KIAA0825: variants seen among roughly 807,000 people sequenced by gnomAD.
KIAA0825 encodes the protein uncharacterized protein KIAA0825.
Under a neutral mutation model 147.6 loss-of-function variants are expected in KIAA0825, and 119 were observed. That is an observed-to-expected ratio of 0.81 (90% CI 0.69 to 0.94). The LOEUF (loss-of-function observed/expected upper bound fraction) is 0.94. Among genes scored for constraint, KIAA0825 ranks in the 40% least tolerant of loss-of-function variants. The probability of loss-of-function intolerance (pLI) is 0.00; values close to 1 mark genes in which losing one functional copy is unlikely to be tolerated. For synonymous variants in KIAA0825, 470 were observed against 518.1 expected (o/e 0.91, Z 1.26); for missense variants, 1,381 against 1,472.7 (o/e 0.94, Z 1.02).
At chr5:94,389,870 C>G (rs1235672067) in intron 18 of KIAA0825, among the ~76,000 whole-genome samples, 1 of 152,176 alleles carries the variant, frequency 6.6e-6, no homozygotes, top group African/African-American at 2.4e-5. Flanking sequence ...TAACATTATG[C>G]CTCTTACCTT....
chr5:94,197,693 G>T (rs1771263519), intron 20 of KIAA0825, among the ~76,000 whole-genome samples: 2 of 152,146 alleles, frequency 1.3e-5, no homozygotes, highest in Non-Finnish European at 2.9e-5. Flanking sequence ...TCTGCATATG[G>T]CTAGCCGGTT....
rs917889689 is a variant in KIAA0825 at position 94,612,325 on chromosome 5, T to C, written c.-153+6175A>G. Among the ~76,000 whole-genome samples the C allele has an allele frequency of 1.2e-4, 18 of 152,316 alleles. 1 individual carries two copies. Among genetic ancestry groups the C allele is most frequent in the African/African-American group, 3.8e-4 (16 of 41,580 alleles). The stretch of plus-strand genomic sequence containing the variant: ...TGATCATTTTTACTAATACCTAACA[T>C]TGAATACCGTGGCAACATGGGATTC... On this transcript the variant is annotated intron_variant, in intron 1 of 20. Coordinates refer to ENST00000682413, the MANE Select transcript of KIAA0825 (RefSeq NM_001145678.3).
intron 4 of KIAA0825, 33 bp downstream of exon 4, chr5:94,523,897 C>T (rs1768741460): frequency 3.5e-6 from 5 of 1,411,512 alleles, no homozygotes; most frequent in Non-Finnish European, 4.9e-6. Flanking sequence ...GTTTACTCAT[C>T]CCACTCCATG....
intron 11 of KIAA0825, among the ~76,000 whole-genome samples, chr5:94,463,975 A>G (rs982479516): frequency 4.6e-5 from 7 of 151,168 alleles, no homozygotes; most frequent in African/African-American, 1.5e-4. Context: ...GCAAAATACC[A>G]TATTTATGAA....
At chr5:94,435,712 T>C (rs1038804503) in intron 14 of KIAA0825, among the ~76,000 whole-genome samples, 6 of 152,196 alleles carry the variant, frequency 3.9e-5, no homozygotes, top group Non-Finnish European at 8.8e-5. Context: ...TCTTCCACAA[T>C]GGTTGAACTA....
At chr5:94,457,551 A>G (rs1759267691) in intron 12 of KIAA0825, among the ~76,000 whole-genome samples, 1 of 152,162 alleles carries the variant, frequency 6.6e-6, no homozygotes, top group Non-Finnish European at 1.5e-5. Flanking sequence ...TTGCGTTAGC[A>G]TCGTAGGGCC....
intron 9 of KIAA0825, among the ~76,000 whole-genome samples, 188 bp from the exon 10 acceptor site, chr5:94,470,299 T>G (rs1761055837): frequency 6.6e-6 from 1 of 152,258 alleles, no homozygotes. Context: ...GTCTTTGTTT[T>G]GCAAGCCCTT....
intron 20 of KIAA0825, among the ~76,000 whole-genome samples, chr5:94,187,373 G>C (rs1027703053): frequency 4.4e-5 from 6 of 136,516 alleles, no homozygotes; most frequent in African/African-American, 1.6e-4. Flanking sequence ...AAAAAAAAAA[G>C]ATGAAAAACA....
chr5:94,214,816 T>A (rs988521797), intron 20 of KIAA0825, among the ~76,000 whole-genome samples: 1 of 152,188 alleles, frequency 6.6e-6, no homozygotes, highest in African/African-American at 2.4e-5. Context: ...AGGCAAACTC[T>A]TTTCTCTACG....
intron 12 of KIAA0825, among the ~76,000 whole-genome samples, chr5:94,458,207 A>G (rs192824221): frequency 2.6e-4 from 40 of 152,324 alleles, no homozygotes; most frequent in Non-Finnish European, 5.0e-4. Context: ...CCTAAATGTC[A>G]TTAAGTAACT....
chr5:94,466,690 T>G (rs1257494077), intron 10 of KIAA0825, among the ~76,000 whole-genome samples: 1 of 135,946 alleles, frequency 7.4e-6, no homozygotes, highest in Admixed American at 8.4e-5. Flanking sequence ...TGAGCCGAGA[T>G]CGTGCCACTG....
intron 5 of KIAA0825, among the ~76,000 whole-genome samples, chr5:94,499,589 G>T (rs1056994097): frequency 4.7e-4 from 69 of 145,842 alleles, no homozygotes; most frequent in African/African-American, 1.6e-3. Context: ...CCAATCTGGG[G>T]GGGGGGGGGG....
intron 14 of KIAA0825, among the ~76,000 whole-genome samples, chr5:94,423,819 C>T (rs1433897162): frequency 6.6e-6 from 1 of 151,934 alleles, no homozygotes; most frequent in African/African-American, 2.4e-5. Context: ...AACACCAGGC[C>T]AATAAATTAA....
At chr5:94,601,884 T>C (rs1786519504) in intron 1 of KIAA0825, among the ~76,000 whole-genome samples, 1 of 152,016 alleles carries the variant, frequency 6.6e-6, no homozygotes, top group Admixed American at 6.6e-5. Context: ...CCGAGAAATA[T>C]GGGGTTACGT....
intron 1 of KIAA0825, among the ~76,000 whole-genome samples, chr5:94,597,248 A>C (rs1348281749): frequency 6.6e-6 from 1 of 152,148 alleles, no homozygotes; most frequent in Non-Finnish European, 1.5e-5. Flanking sequence ...AACATTATCC[A>C]AAATAGACCA....
At chr5:94,401,888 C>T (rs1751425228) in intron 16 of KIAA0825, among the ~76,000 whole-genome samples, 1 of 152,122 alleles carries the variant, frequency 6.6e-6, no homozygotes, top group Non-Finnish European at 1.5e-5. Flanking sequence ...GACTTAATGT[C>T]CAGCATGTAC....
At chr5:94,375,094 C>A (rs1270778382) in intron 20 of KIAA0825, among the ~76,000 whole-genome samples, 1 of 146,992 alleles carries the variant, frequency 6.8e-6, no homozygotes, top group Non-Finnish European at 1.5e-5. Context: ...TGCAGTGGCA[C>A]GACCTCGGCT....
chr5:94,488,969 A>T (rs752059761), intron 5 of KIAA0825, among the ~76,000 whole-genome samples: 1 of 152,220 alleles, frequency 6.6e-6, no homozygotes, highest in East Asian at 1.9e-4. Context: ...ATTCTCAAAA[A>T]CAGCTGTGTG....
Position 94,520,913 on chromosome 5 carries a change from T to G in KIAA0825, c.305A>C (p.Asp102Ala). 1.9e-6 allele frequency: 3 copies of G among 1,575,734 alleles called. No individual in the cohort carries two copies. Among genetic ancestry groups the G allele is most frequent in the Non-Finnish European group, 2.6e-6 (3 of 1,156,208 alleles). The change falls in exon 5 of 21, where the codon GAT (aspartate) becomes GCT (alanine). Residue 102 changes from aspartate (D) to alanine (A), a missense_variant. By Grantham distance (126) the Asp-to-Ala change is moderately radical. Coordinates refer to ENST00000682413, the MANE Select transcript of KIAA0825 (RefSeq NM_001145678.3). ...DLIKFFKTLQ[D>A]LLKNEQNQEE... is the part of the protein sequence containing the mutation. Reference sequence around the variant, plus strand: ...TTGATTTTGTTCATTCTTCAACAAATCTTGCTAATGAAATTATAACATTAG... The same window carrying G: ...TTGATTTTGTTCATTCTTCAACAAAGCTTGCTAATGAAATTATAACATTAG...
Sources: gnomAD v4.1 joint callset for allele counts (sites outside exome capture counted in the v4.1 genomes callset) on GRCh38, gnomAD v4.1.1 for gene constraint, MANE v1.5 for transcripts, NCBI Gene and HGNC (gene_info 2026-07-23, HGNC 2026-07-21) for gene names.